Variants in ALK observed in about 807,000 individuals in gnomAD.
ALK encodes ALK receptor tyrosine kinase.
Under a neutral mutation model 163.1 loss-of-function variants are expected in ALK, and 74 were observed. The observed-to-expected ratio is 0.45, with a 90% confidence interval of 0.38 to 0.55. ALK has a LOEUF of 0.55. ALK is among the 20% of genes least tolerant of loss of function. The pLI is 0.00. For synonymous variants in ALK, 960 were observed against 843.2 expected (o/e 1.14, Z -2.40); for missense variants, 2,063 against 2,105.3 (o/e 0.98, Z 0.39).
At chr2:29,822,750 G>A (rs1219354707) in intron 1 of ALK, among the ~76,000 whole-genome samples, 1 of 152,238 alleles carries the variant, frequency 6.6e-6, no homozygotes, top group East Asian at 1.9e-4. Flanking sequence ...ATAGGCATTA[G>A]GAGAGCTGGA....
intron 1 of ALK, among the ~76,000 whole-genome samples, chr2:29,875,547 T>C (rs920334942): frequency 6.6e-6 from 1 of 152,166 alleles, no homozygotes; most frequent in Non-Finnish European, 1.5e-5. Context: ...AAGCCCTGCA[T>C]GCATTAGGTA....
At chr2:29,291,719 T>C (rs919440785) in intron 9 of ALK, among the ~76,000 whole-genome samples, 2 of 152,196 alleles carry the variant, frequency 1.3e-5, no homozygotes, top group African/African-American at 2.4e-5. Context: ...AACAGAAATG[T>C]GAATTAAGCA....
intron 15 of ALK, among the ~76,000 whole-genome samples, chr2:29,230,859 TGTGA>T (rs61494314): frequency 0.012 from 1,877 of 152,240 alleles, 43 homozygotes; most frequent in African/African-American, 0.043. Context: ...TGTGCACGGC[TGTGA>T]GTAAGCGCGT....
At chr2:29,695,060 G>T in intron 2 of ALK, 46 bp from the exon 3 acceptor site, 1 of 1,612,352 alleles carries the variant, frequency 6.2e-7, no homozygotes, top group Non-Finnish European at 8.5e-7. Context: ...TTTCCCAAAC[G>T]TGACTTTTCA....
intron 4 of ALK, among the ~76,000 whole-genome samples, chr2:29,424,496 A>G (rs543651685): frequency 7.9e-5 from 12 of 152,256 alleles, no homozygotes; most frequent in Admixed American, 1.3e-4. Flanking sequence ...GTTCTTGTAT[A>G]TTATGATTAC....
intron 4 of ALK, among the ~76,000 whole-genome samples, chr2:29,480,894 A>G (rs1671645729): frequency 6.6e-6 from 1 of 151,356 alleles, no homozygotes; most frequent in African/African-American, 2.4e-5. Flanking sequence ...CTGATTCACC[A>G]GGTCTGGGCA....
intron 1 of ALK, among the ~76,000 whole-genome samples, chr2:29,909,015 T>A (rs1667626783): frequency 6.6e-6 from 1 of 152,198 alleles, no homozygotes; most frequent in Non-Finnish European, 1.5e-5. Flanking sequence ...TAGATCTCCA[T>A]TAAAAGGATT....
At chr2:29,879,381 A>C (rs1453026522) in intron 1 of ALK, among the ~76,000 whole-genome samples, 2 of 152,258 alleles carry the variant, frequency 1.3e-5, no homozygotes, top group Non-Finnish European at 2.9e-5. Flanking sequence ...TCCATCAAAA[A>C]GGTCTTGCAA....
At chr2:29,905,396 A>G (rs909564194) in intron 1 of ALK, among the ~76,000 whole-genome samples, 15 of 152,212 alleles carry the variant, frequency 9.9e-5, no homozygotes, top group African/African-American at 3.6e-4. Context: ...AAGCTATTTG[A>G]CATTTATTGT....
At chr2:29,288,324 T>C (rs1665913949) in intron 9 of ALK, among the ~76,000 whole-genome samples, 1 of 152,194 alleles carries the variant, frequency 6.6e-6, no homozygotes, top group South Asian at 2.1e-4. Flanking sequence ...GGCCTCGTCT[T>C]GTCCTGGTTT....
chr2:29,343,783 A>G (rs1667869071), intron 5 of ALK, among the ~76,000 whole-genome samples: 1 of 152,192 alleles, frequency 6.6e-6, no homozygotes, highest in Non-Finnish European at 1.5e-5. Context: ...CTCAGCCCTC[A>G]ATCTTGCTAC....
chr2:29,862,837 T>C (rs1183889285), intron 1 of ALK, among the ~76,000 whole-genome samples: 1 of 144,518 alleles, frequency 6.9e-6, no homozygotes. Flanking sequence ...AAAAAAAAAC[T>C]GGGGGCATCA....
In ALK at chr2:29,655,514, G is replaced by A. The variant is rs181409867; in HGVS notation, c.952+39336C>T. Among the ~76,000 whole-genome samples, 14 of 152,274 alleles carry A rather than the reference G, an allele frequency of 9.2e-5. No homozygotes were observed. In the East Asian group the frequency reaches 2.7e-3, roughly 29 times the overall value. The stretch of plus-strand genomic sequence containing the variant: ...TTTCACTAACAACAGAGTGCATGAG[G>A]AACGCATTCAGTCCTCCCTCAGATT... On this transcript the variant is annotated intron_variant, in intron 3 of 28. Transcript: ENST00000389048.
chr2:29,643,705 G>A lies in ALK; in HGVS notation c.952+51145C>T, dbSNP rs141120319. Among the ~76,000 whole-genome samples, 628 of 152,244 alleles carry A rather than the reference G, an allele frequency of 4.1e-3. 3 individuals are homozygous for A. The highest frequency in any genetic ancestry group is 0.014 in the African/African-American group (602 of 41,544). ...CAGATCAATCAGGTTAGGGAGGGGA[G>A]GAAATGGGCATACTATAACAATCGA... is the stretch of plus-strand genomic sequence containing the variant. On this transcript the variant is annotated intron_variant, in intron 3 of 28. Transcript: ENST00000389048.
At chr2:29,218,497 A>AATAAT (rs1262959804) in intron 23 of ALK, among the ~76,000 whole-genome samples, 1 of 152,072 alleles carries the variant, frequency 6.6e-6, no homozygotes, top group African/African-American at 2.4e-5. Context: ...TGTTCTTTGT[A>AATAAT]ATAATATTGG....
At chr2:29,525,066 G>A (rs1006360230) in intron 4 of ALK, among the ~76,000 whole-genome samples, 1 of 152,212 alleles carries the variant, frequency 6.6e-6, no homozygotes, top group African/African-American at 2.4e-5. Context: ...TCATTCCCCT[G>A]TGGCTTTGGA....
chr2:29,574,066 A>AAT (rs1491254864), intron 3 of ALK, among the ~76,000 whole-genome samples: 9 of 2,130 alleles, frequency 4.2e-3, no homozygotes, highest in South Asian at 0.016. Context: ...TGAAAAAAAT[A>AAT]AAAAAAAAAA....
chr2:29,918,585 T>C (rs1228170488), intron 1 of ALK, among the ~76,000 whole-genome samples: 2 of 152,192 alleles, frequency 1.3e-5, no homozygotes, highest in African/African-American at 2.4e-5. Context: ...TCACTAACAC[T>C]AATGTTGAAA....
chr2:29,371,299 C>A lies in ALK; in HGVS notation c.1282+12433G>T, dbSNP rs563369746. Among the ~76,000 whole-genome samples the A allele has an allele frequency of 3.9e-5, 6 of 152,336 alleles. No individual in the cohort carries two copies. In the South Asian group the frequency reaches 1.2e-3, roughly 32 times the overall value. On this transcript the variant is annotated intron_variant, in intron 5 of 28. Transcript: ENST00000389048. ...TAAAATAACCAGAATAAAAAGAGAA[C>A]CATCATCAAATCCCAGCAGTACACT...
Sources: gnomAD v4.1 joint callset for allele counts (sites outside exome capture counted in the v4.1 genomes callset) on GRCh38, gnomAD v4.1.1 for gene constraint, MANE v1.5 for transcripts, NCBI Gene and HGNC (gene_info 2026-07-23, HGNC 2026-07-21) for gene names.